GNB1L: variants seen among roughly 807,000 people sequenced by gnomAD.
GNB1L encodes guanine nucleotide-binding protein subunit beta-like protein 1.
A neutral mutation model predicts 29.1 loss-of-function variants in GNB1L; 20 were observed. The ratio of observed to expected loss-of-function variants is 0.69; its 90% CI spans 0.48 to 1.00. The LOEUF (loss-of-function observed/expected upper bound fraction) is 1.00, where lower values mean the gene tolerates loss of function less well. Ranked by LOEUF, GNB1L falls within the 50% of genes least tolerant of loss-of-function variation. The pLI, the probability that GNB1L is intolerant of heterozygous loss-of-function variation, is 0.00. For synonymous variants in GNB1L, 193 were observed against 206.5 expected, an observed-to-expected ratio of 0.93 and a Z score of 0.56; for missense variants, 421 against 464.9, an observed-to-expected ratio of 0.91 and a Z score of 0.87.
At chr22:19,850,972 C>T (rs1273856548) in intron 2 of GNB1L, 4 of 1,404,948 alleles carry the variant, frequency 2.8e-6, no homozygotes, top group East Asian at 2.6e-5. Flanking sequence ...GGGCACAGGG[C>T]GGAGGTCAAG....
chr22:19,847,981 G>A (rs538551374), intron 2 of GNB1L: 2 of 985,212 alleles, frequency 2.0e-6, no homozygotes, highest in African/African-American at 1.7e-5. Flanking sequence ...CTCGTTAATT[G>A]GAAACACCTC....
intron 7 of GNB1L, chr22:19,792,698 C>A (rs1271271453): frequency 2.0e-6 from 3 of 1,465,626 alleles, no homozygotes; most frequent in African/African-American, 2.8e-5. Flanking sequence ...GACCACCTGT[C>A]CTTCGAGCAG....
At chr22:19,811,448 G>A (rs1023040163) in intron 5 of GNB1L, among the ~76,000 whole-genome samples, 33 of 151,938 alleles carry the variant, frequency 2.2e-4, no homozygotes, top group African/African-American at 5.8e-4. Context: ...TGGGACAGTC[G>A]CCACTCAAAG....
At chr22:19,819,052 G>A (rs945807715) in intron 4 of GNB1L, among the ~76,000 whole-genome samples, 8 of 152,166 alleles carry the variant, frequency 5.3e-5, no homozygotes, top group South Asian at 2.1e-4. Flanking sequence ...ACAAGACCAC[G>A]GGGGCGATGT....
intron 5 of GNB1L, among the ~76,000 whole-genome samples, chr22:19,810,124 C>G (rs1039809762): frequency 1.3e-5 from 2 of 152,192 alleles, no homozygotes; most frequent in Non-Finnish European, 2.9e-5. Context: ...TGGGCTAGTT[C>G]CAGCAGTTAA....
intron 7 of GNB1L, chr22:19,792,704 A>G: frequency 6.8e-7 from 1 of 1,473,764 alleles, no homozygotes; most frequent in Non-Finnish European, 9.4e-7. Context: ...CTGTCCTTCG[A>G]GCAGGAGTTA....
chr22:19,851,193 C>T, intron 2 of GNB1L: 2 of 1,590,430 alleles, frequency 1.3e-6, no homozygotes, highest in Admixed American at 1.8e-5. Flanking sequence ...AGTGGTGGCT[C>T]TCCTGGGGTC....
chr22:19,824,880 T>C (rs1937607541), intron 2 of GNB1L, among the ~76,000 whole-genome samples: 1 of 152,162 alleles, frequency 6.6e-6, no homozygotes, highest in Non-Finnish European at 1.5e-5. Flanking sequence ...CCCAAGACAT[T>C]CTTGGGCTCC....
intron 7 of GNB1L, among the ~76,000 whole-genome samples, chr22:19,790,082 C>G (rs1937236621): frequency 6.6e-6 from 1 of 152,170 alleles, no homozygotes; most frequent in Middle Eastern, 3.2e-3. Context: ...AACAGACCAA[C>G]ATTTCTGAAC....
At chr22:19,849,624 C>T (rs551978116) in intron 2 of GNB1L, 3 of 945,388 alleles carry the variant, frequency 3.2e-6, no homozygotes, top group Non-Finnish European at 3.8e-6. Flanking sequence ...ACCTTGGCCT[C>T]CCAGAGTGCT....
intron 7 of GNB1L, among the ~76,000 whole-genome samples, chr22:19,794,631 T>C (rs887141928): frequency 1.3e-5 from 2 of 152,150 alleles, no homozygotes; most frequent in African/African-American, 4.8e-5. Flanking sequence ...CCCAGGCATG[T>C]CAATAATTAC....
At chr22:19,835,890 A>C (rs1366402851) in intron 2 of GNB1L, among the ~76,000 whole-genome samples, 1 of 152,110 alleles carries the variant, frequency 6.6e-6, no homozygotes, top group African/African-American at 2.4e-5. Flanking sequence ...ACATATCAAA[A>C]CGTGTAGGAT....
chr22:19,849,948 G>C (rs1938055326), intron 2 of GNB1L: 1 of 985,332 alleles, frequency 1.0e-6, no homozygotes, highest in Admixed American at 6.1e-5. Context: ...TCCTTGTGTG[G>C]AACAGGTCTT....
At position 19,788,807 on chromosome 22, in the gene GNB1L, C is replaced by T. The variant is rs61758989; in HGVS notation, c.886G>A (p.Ala296Thr). The T allele has an allele frequency of 5.3e-5, 85 of 1,612,642 alleles. 2 individuals carry two copies. In the South Asian group the frequency reaches 6.3e-4, roughly 12 times the overall value. Residue 296 changes from alanine to threonine, a missense_variant, in exon 8 of 8, where the codon GCC (alanine) becomes ACC (threonine). Transcript: ENST00000329517. ...QPLAVLAFHS[A>T]AVQCVAFTAD... ...GTGAAGGCCACGCACTGGACAGCGG[C>T]GCTGTGGAAGGCCAGCACGGCCAGT...
chr22:19,810,899 A>C (rs1197484387), intron 5 of GNB1L, among the ~76,000 whole-genome samples: 1 of 152,222 alleles, frequency 6.6e-6, no homozygotes, highest in Non-Finnish European at 1.5e-5. Context: ...GAGGAGGGTT[A>C]GACAGCCTTG....
chr22:19,792,157 C>A, intron 7 of GNB1L: 1 of 576,346 alleles, frequency 1.7e-6, no homozygotes, highest in Non-Finnish European at 3.1e-6. Flanking sequence ...AATATATGAC[C>A]CATAGTCAAG....
At chr22:19,799,663 G>A (rs1389544584) in intron 7 of GNB1L, among the ~76,000 whole-genome samples, 2 of 152,202 alleles carry the variant, frequency 1.3e-5, no homozygotes, top group Non-Finnish European at 1.5e-5. Context: ...AGGAGGGTGT[G>A]AGGGGGACAC....
chr22:19,853,846 G>A (rs957965118), intron 2 of GNB1L, among the ~76,000 whole-genome samples: 2 of 152,150 alleles, frequency 1.3e-5, no homozygotes, highest in Non-Finnish European at 2.9e-5. Flanking sequence ...AAAAAGCAGT[G>A]ACCCCGATCC....
intron 5 of GNB1L, among the ~76,000 whole-genome samples, chr22:19,807,978 C>T (rs1937455435): frequency 1.3e-5 from 2 of 152,212 alleles, no homozygotes. Context: ...CCTGCTGAGG[C>T]GCCCACCTCC....
Sources: gnomAD v4.1 joint callset for allele counts (sites outside exome capture counted in the v4.1 genomes callset) on GRCh38, gnomAD v4.1.1 for gene constraint, MANE v1.5 for transcripts, NCBI Gene and HGNC (gene_info 2026-07-23, HGNC 2026-07-21) for gene names.